The following MATCAP1 variants were observed in gnomAD, a reference collection of about 807,000 sequenced individuals.
MATCAP1 encodes microtubule associated tyrosine carboxypeptidase 1, also known as microtubule-associated tyrosine carboxypeptidase 1.
At chr16:67,177,827 C>T in the MATCAP1 span, among the ~76,000 whole-genome samples, 1 of 152,226 alleles carries the variant, frequency 6.6e-6, no homozygotes, top group African/African-American at 2.4e-5. Flanking sequence ...CCTGCAGCCT[C>T]CGTTAAGCAC....
the MATCAP1 span, chr16:67,180,341 G>A: frequency 1.2e-6 from 2 of 1,612,394 alleles, no homozygotes; most frequent in Non-Finnish European, 1.7e-6. Flanking sequence ...GCCCCCGCCG[G>A]CCAGTACTAT....
chr16:67,180,077 T>C, the MATCAP1 span: 1 of 1,614,204 alleles, frequency 6.2e-7, no homozygotes, highest in South Asian at 1.1e-5. Flanking sequence ...CGCAGTACTT[T>C]TCCAGCACAG....
the MATCAP1 span, among the ~76,000 whole-genome samples, chr16:67,181,074 C>A: frequency 5.3e-5 from 8 of 152,200 alleles, no homozygotes; most frequent in South Asian, 1.7e-3. Context: ...TACTGGAATC[C>A]TCTCAGCCTG....
At chr16:67,180,018 T>C in the MATCAP1 span, 2 of 1,612,854 alleles carry the variant, frequency 1.2e-6, no homozygotes, top group Non-Finnish European at 1.7e-6. Context: ...AGGGCCAGGA[T>C]ACGGTGGGGA....
the MATCAP1 span, chr16:67,179,385 GC>G: frequency 6.4e-7 from 1 of 1,565,836 alleles, no homozygotes. This position sits in a 1 kb window ranked among gnomAD's most constrained non-coding sequence, Gnocchi z 5.2. Context: ...CAGCTCCCAG[GC>G]CCCTTTCATG....
the MATCAP1 span, chr16:67,180,607 C>A: frequency 6.6e-7 from 1 of 1,513,648 alleles, no homozygotes; most frequent in South Asian, 1.3e-5. Flanking sequence ...GAGTCCAGCA[C>A]CATTCTGTCC....
the MATCAP1 span, among the ~76,000 whole-genome samples, chr16:67,182,342 C>T: frequency 6.6e-6 from 1 of 152,170 alleles, no homozygotes; most frequent in African/African-American, 2.4e-5. Flanking sequence ...CTCCTCCTAC[C>T]TTGCTGGTCA....
the MATCAP1 span, chr16:67,176,622 A>G: frequency 1.0e-5 from 5 of 487,318 alleles, no homozygotes; most frequent in African/African-American, 8.0e-5. The surrounding 1 kb of genome is among the most constrained non-coding windows in gnomAD (Gnocchi z 4.3). Flanking sequence ...GCAGGTCCCC[A>G]GACCCCAGGG....
chr16:67,180,391 G>A, the MATCAP1 span: 51 of 1,612,656 alleles, frequency 3.2e-5, no homozygotes, highest in Non-Finnish European at 4.1e-5. Context: ...ATGTGGCCAC[G>A]GTGGCCCAGG....
At chr16:67,177,007 C>T in the MATCAP1 span, 2 of 1,489,440 alleles carry the variant, frequency 1.3e-6, no homozygotes, top group Non-Finnish European at 1.8e-6. Context: ...CAGGCATAGG[C>T]AGTGGCCCCT....
the MATCAP1 span, chr16:67,180,561 G>A: frequency 3.2e-5 from 49 of 1,528,622 alleles, no homozygotes; most frequent in Middle Eastern, 3.5e-4. Flanking sequence ...ACTGGTAGGC[G>A]GGCTGGGGGG....
chr16:67,177,959 A>G, the MATCAP1 span: 8 of 1,517,578 alleles, frequency 5.3e-6, no homozygotes, highest in Non-Finnish European at 7.3e-6. Context: ...AGGGAATTCT[A>G]CAGCAAGGCA....
chr16:67,176,054 A>AGTGTGTGTGT, the MATCAP1 span: 4 of 71,544 alleles, frequency 5.6e-5, no homozygotes, highest in African/African-American at 1.3e-4. This position sits in a 1 kb window ranked among gnomAD's most constrained non-coding sequence, Gnocchi z 4.3. Context: ...GGCCTGAATC[A>AGTGTGTGTGT]GTGTGTGTGT....
the MATCAP1 span, chr16:67,178,246 T>C: frequency 6.4e-7 from 1 of 1,560,926 alleles, no homozygotes; most frequent in Non-Finnish European, 8.7e-7. Context: ...CACGCAGTAC[T>C]CCCAGCGCAC....
the MATCAP1 span, chr16:67,180,315 C>A: frequency 6.2e-7 from 1 of 1,612,234 alleles, no homozygotes; most frequent in Middle Eastern, 2.1e-4. Flanking sequence ...AGGTGGAGGC[C>A]GTCCCAGGGT....
At chr16:67,176,053 CAGTG>C in the MATCAP1 span, 3 of 120,560 alleles carry the variant, frequency 2.5e-5, no homozygotes, top group South Asian at 5.5e-4. This position sits in a 1 kb window ranked among gnomAD's most constrained non-coding sequence, Gnocchi z 4.3. Context: ...AGGCCTGAAT[CAGTG>C]TGTGTGTGTG....
chr16:67,176,860 GC>G, the MATCAP1 span: 4 of 1,610,244 alleles, frequency 2.5e-6, no homozygotes, highest in Non-Finnish European at 3.4e-6. This position sits in a 1 kb window ranked among gnomAD's most constrained non-coding sequence, Gnocchi z 4.3. Context: ...CCGGTTGGTG[GC>G]CATGATGTGC....
chr16:67,180,361 A>G, the MATCAP1 span: 3 of 1,612,612 alleles, frequency 1.9e-6, no homozygotes, highest in African/African-American at 2.7e-5. Flanking sequence ...TTTACAGAGT[A>G]GGTGCTCTCA....
the MATCAP1 span, chr16:67,176,691 G>T: frequency 1.1e-6 from 1 of 931,384 alleles, no homozygotes; most frequent in Non-Finnish European, 1.5e-6. The surrounding 1 kb of genome is among the most constrained non-coding windows in gnomAD (Gnocchi z 4.3). Flanking sequence ...GAATGCTCCT[G>T]CCCTCCCAAC....
Sources: allele counts gnomAD v4.1 joint callset (sites outside exome capture counted in the v4.1 genomes callset), GRCh38; gene constraint gnomAD v4.1.1; non-coding constraint Gnocchi (gnomAD v3.1); transcripts MANE v1.5; gene names NCBI Gene and HGNC (gene_info 2026-07-23, HGNC 2026-07-21).